The following PBRM1 variants were observed in gnomAD, a reference collection of about 807,000 sequenced individuals.
PBRM1 encodes protein polybromo-1.
Under a neutral mutation model 194.5 loss-of-function variants are expected in PBRM1, and 27 were observed. The observed-to-expected ratio is 0.14, with a 90% CI of 0.10 to 0.19. PBRM1 has a LOEUF of 0.19. Among genes scored for constraint, PBRM1 ranks in the 10% least tolerant of loss-of-function variants. The pLI is 1.00. For synonymous variants in PBRM1, 655 were observed against 693.2 expected (o/e 0.94, Z 0.87); for missense variants, 1,466 against 2,077.2 (o/e 0.71, Z 5.72).
exon 29 of PBRM1, chr3:52,550,577 C>A: frequency 6.5e-7 from 1 of 1,540,742 alleles, no homozygotes; most frequent in East Asian, 2.3e-5. Flanking sequence ...GGGGGTCCAG[C>A]TGGATGTGGG....
At chr3:52,612,277 A>AAAAAAAAAAAAAAC (rs1170735998) in intron 15 of PBRM1, among the ~76,000 whole-genome samples, 1 of 149,762 alleles carries the variant, frequency 6.7e-6, no homozygotes, top group African/African-American at 2.4e-5. Flanking sequence ...AAAAAAAAAA[A>AAAAAAAAAAAAAAC]AAAAAGAGGT....
At position 52,576,791 on chromosome 3, in the gene PBRM1, G is replaced by T. The variant is rs2089720369; in HGVS notation, c.3534-93C>A. 1.1e-5 allele frequency: 10 copies of T among 910,246 alleles called. No individual in the cohort carries two copies. In the East Asian group the frequency reaches 2.7e-4, roughly 24 times the overall value. 56.4% of individuals were successfully genotyped at this position (910,246 alleles called of 1,614,324 possible). ...TCGCATTAACCAAAAACTTAGTAAT[G>T]TGTACCATTCAGAGGAGTTTCACTG... On this transcript the variant is annotated intron_variant, in intron 21 of 29. Coordinates refer to ENST00000296302, the Ensembl canonical transcript of PBRM1.
chr3:52,612,900 C>T (rs1252626580), intron 15 of PBRM1, among the ~76,000 whole-genome samples: 2 of 136,014 alleles, frequency 1.5e-5, no homozygotes, highest in African/African-American at 3.0e-5. Flanking sequence ...AGTGAGAATC[C>T]GTCTCAAAAA....
intron 15 of PBRM1, among the ~76,000 whole-genome samples, chr3:52,612,136 T>C (rs2094652305): frequency 1.3e-5 from 2 of 151,596 alleles, no homozygotes; most frequent in African/African-American, 4.8e-5. Context: ...GGTGCACACC[T>C]GTAGTCCCAG....
At chr3:52,598,506 T>C (rs2093733886) in intron 17 of PBRM1, among the ~76,000 whole-genome samples, 1 of 152,240 alleles carries the variant, frequency 6.6e-6, no homozygotes, top group Non-Finnish European at 1.5e-5. Context: ...TTCATTTACA[T>C]AGCATGAATA....
intron 20 of PBRM1, chr3:52,585,977 C>T (rs1327096072): frequency 6.6e-6 from 1 of 152,494 alleles, no homozygotes; most frequent in Non-Finnish European, 1.5e-5. Context: ...ACTCTGTTGC[C>T]CAGGCTGGAG....
chr3:52,646,982 A>G (rs1211690347), intron 7 of PBRM1, among the ~76,000 whole-genome samples: 4 of 152,168 alleles, frequency 2.6e-5, no homozygotes, highest in Non-Finnish European at 5.9e-5. Flanking sequence ...AGAGAATGGG[A>G]GAAAATATTT....
exon 26 of PBRM1, chr3:52,558,350 C>T: frequency 1.3e-6 from 2 of 1,550,356 alleles, no homozygotes; most frequent in Non-Finnish European, 1.7e-6. Context: ...GGGAGAAGCA[C>T]TCGGCTGCTG....
chr3:52,567,243 A>G (rs2153560781), intron 22 of PBRM1, among the ~76,000 whole-genome samples: 1 of 152,288 alleles, frequency 6.6e-6, no homozygotes, highest in East Asian at 1.9e-4. Context: ...TTATTCAACT[A>G]GTTCCCTATT....
At chr3:52,627,869 T>C (rs553989429) in intron 12 of PBRM1, among the ~76,000 whole-genome samples, 11 of 152,304 alleles carry the variant, frequency 7.2e-5, no homozygotes, top group Middle Eastern at 3.4e-3. Context: ...TACAGAGTAC[T>C]AAAAAGGTAA....
In PBRM1 at chr3:52,575,672, ATTT is replaced by A. The variant is rs35495289; in HGVS notation, c.3691+866_3691+868del. 1.1e-3 allele frequency among the ~76,000 whole-genome samples: 129 copies of A among 122,528 alleles called. 1 individual carries two copies. In the Middle Eastern group the frequency reaches 0.011, roughly 11 times the overall value. The allele number at this position is 122,528 out of a possible 152,430, so 80.4% of individuals were successfully genotyped here. On this transcript the variant is annotated intron_variant, in intron 22 of 29. Coordinates refer to ENST00000296302, the Ensembl canonical transcript of PBRM1. The stretch of plus-strand genomic sequence containing the variant: ...AGACATGTGCCACCATGCCCAAATA[ATTT>A]TTTTTTTTTTTTTTTTTTTAGCAGA...
At chr3:52,639,152 A>T (rs1005711108) in intron 10 of PBRM1, among the ~76,000 whole-genome samples, 1 of 151,950 alleles carries the variant, frequency 6.6e-6, no homozygotes, top group African/African-American at 2.4e-5. Flanking sequence ...ATGTATTTAT[A>T]GTAGAGACAG....
chr3:52,638,661 A>C (rs969129386), intron 10 of PBRM1, among the ~76,000 whole-genome samples: 4 of 151,896 alleles, frequency 2.6e-5, no homozygotes, highest in Middle Eastern at 3.4e-3. Context: ...TGGAATAATC[A>C]TAGCTTACGG....
chr3:52,604,928 T>C (rs1183657715), intron 16 of PBRM1, among the ~76,000 whole-genome samples: 1 of 148,500 alleles, frequency 6.7e-6, no homozygotes, highest in Non-Finnish European at 1.5e-5. Flanking sequence ...CACTCTAGTC[T>C]GGGCAACAGA....
chr3:52,678,477 G>A (rs1169784000), intron 2 of PBRM1, 23 bp downstream of exon 3: 4 of 1,486,596 alleles, frequency 2.7e-6, no homozygotes, highest in Non-Finnish European at 3.8e-6. Flanking sequence ...CCCCGCAACT[G>A]TACTGATGTG....
chr3:52,564,264 G>A lies in PBRM1; in HGVS notation c.3692-31C>T, dbSNP rs376015260. The A allele has an allele frequency of 1.7e-5, 26 of 1,512,356 alleles. No individual in the cohort carries two copies. The African/African-American group carries it at 2.3e-4, about 14-fold the overall frequency. 93.7% of individuals were successfully genotyped at this position (1,512,356 alleles called of 1,614,324 possible). On this transcript the variant is annotated intron_variant, in intron 22 of 29. Coordinates refer to ENST00000296302, the Ensembl canonical transcript of PBRM1. ...AGAGAAAATTAGAAAGAAATTAAAG[G>A]AGTAAACTGTGGTCATAGTTACTAA... is the stretch of plus-strand genomic sequence containing the variant.
intron 6 of PBRM1, among the ~76,000 whole-genome samples, chr3:52,651,239 G>T (rs1296333680): frequency 1.3e-5 from 2 of 152,278 alleles, no homozygotes; most frequent in East Asian, 1.9e-4. Flanking sequence ...ACAGTGAAGG[G>T]GTAGGGTAGA....
At chr3:52,551,738 C>T (rs1032460139) in intron 27 of PBRM1, 4 of 152,210 alleles carry the variant, frequency 2.6e-5, no homozygotes, top group Non-Finnish European at 5.9e-5. Context: ...TTAAACAAAT[C>T]CTGCTGGCTG....
chr3:52,565,817 G>A (rs184504655), intron 22 of PBRM1, among the ~76,000 whole-genome samples: 88 of 152,230 alleles, frequency 5.8e-4, no homozygotes, highest in African/African-American at 2.0e-3. Context: ...TTGGGAGGCC[G>A]AGGCGGGTGG....
Sources: gnomAD v4.1 joint callset for allele counts (sites outside exome capture counted in the v4.1 genomes callset) on GRCh38, gnomAD v4.1.1 for gene constraint, MANE v1.5 for transcripts, NCBI Gene and HGNC (gene_info 2026-07-23, HGNC 2026-07-21) for gene names.